Variants in CNTN5 observed in about 807,000 individuals in gnomAD.
CNTN5 encodes contactin-5.
CNTN5 carries 77 observed loss-of-function variants against 129.1 expected under a neutral mutation model. The ratio of observed to expected loss-of-function variants is 0.60; its 90% CI spans 0.50 to 0.72. The LOEUF (loss-of-function observed/expected upper bound fraction) is 0.72, where lower values mean the gene tolerates loss of function less well. CNTN5 is among the 30% of genes least tolerant of loss of function. The probability of loss-of-function intolerance (pLI) is 0.00; values close to 1 mark genes in which losing one functional copy is unlikely to be tolerated. For missense variants in CNTN5, 1,478 were observed against 1,328.8 expected (o/e 1.11, Z -1.75); for synonymous variants, 509 against 465.6 (o/e 1.09, Z -1.20).
chr11:99,710,899 GAT>G (rs1227112278), intron 3 of CNTN5, among the ~76,000 whole-genome samples: 1 of 151,838 alleles, frequency 6.6e-6, no homozygotes, highest in African/African-American at 2.4e-5. Flanking sequence ...ATAACTAAAA[GAT>G]AAGCAGGAAT....
At chr11:100,168,219 G>T (rs10894556) in intron 13 of CNTN5, among the ~76,000 whole-genome samples, 31,479 of 151,908 alleles carry the variant, frequency 0.21, 4,279 homozygotes, top group East Asian at 0.54. Flanking sequence ...AAGTTACCCA[G>T]AAGATATAAC....
Position 99,680,662 on chromosome 11 carries a change from A to G in CNTN5, c.55+124393A>G, listed in dbSNP as rs557030179. 5.3e-5 allele frequency among the ~76,000 whole-genome samples: 8 copies of G among 151,942 alleles called. No homozygotes were observed. In the East Asian group the frequency reaches 1.6e-3, roughly 30 times the overall value. Reference sequence around the variant, plus strand: ...ATGCCTATTACACAACATCCATTCCATGAATCTTGAATGTTCTTAATGGCA... The same window carrying G: ...ATGCCTATTACACAACATCCATTCCGTGAATCTTGAATGTTCTTAATGGCA... On this transcript the variant is annotated intron_variant, in intron 3 of 24. Coordinates refer to ENST00000524871, the MANE Select transcript of CNTN5 (RefSeq NM_014361.4).
At chr11:99,038,545 T>A (rs1863854308) in intron 1 of CNTN5, among the ~76,000 whole-genome samples, 1 of 152,138 alleles carries the variant, frequency 6.6e-6, no homozygotes, top group Admixed American at 6.6e-5. Context: ...CTGTAAAATT[T>A]AAAATCCATT....
At chr11:99,764,565 C>T (rs545563756) in intron 3 of CNTN5, among the ~76,000 whole-genome samples, 8 of 152,120 alleles carry the variant, frequency 5.3e-5, no homozygotes, top group East Asian at 3.9e-4. Context: ...TATAGGCATG[C>T]ACCACCATAC....
At chr11:99,398,973 T>C (rs930140201) in intron 2 of CNTN5, among the ~76,000 whole-genome samples, 16 of 151,888 alleles carry the variant, frequency 1.1e-4, no homozygotes, top group Non-Finnish European at 1.9e-4. Flanking sequence ...TTCTGTCTCA[T>C]ATACTCTTCA....
intron 9 of CNTN5, among the ~76,000 whole-genome samples, chr11:100,037,032 TC>T (rs1942057164): frequency 6.6e-6 from 1 of 152,030 alleles, no homozygotes; most frequent in African/African-American, 2.4e-5. Flanking sequence ...AGAGAGGGCA[TC>T]CCTGTCTTGT....
chr11:100,185,290 C>G (rs746596090), intron 13 of CNTN5, among the ~76,000 whole-genome samples: 2 of 152,076 alleles, frequency 1.3e-5, no homozygotes, highest in African/African-American at 2.4e-5. Context: ...TTCCCTAAGT[C>G]TAAGAATTCA....
At chr11:99,090,232 T>G (rs1337834860) in intron 1 of CNTN5, among the ~76,000 whole-genome samples, 1 of 152,014 alleles carries the variant, frequency 6.6e-6, no homozygotes, top group Non-Finnish European at 1.5e-5. Flanking sequence ...CACTTATGTT[T>G]TTTAATGCGA....
chr11:99,929,919 T>C (rs940395785), intron 7 of CNTN5, among the ~76,000 whole-genome samples: 1 of 152,166 alleles, frequency 6.6e-6, no homozygotes, highest in African/African-American at 2.4e-5. Flanking sequence ...AATGAGAGTT[T>C]ATTGAAACAA....
chr11:99,552,832 C>G (rs908690336), intron 2 of CNTN5, among the ~76,000 whole-genome samples: 6 of 152,166 alleles, frequency 3.9e-5, no homozygotes, highest in Non-Finnish European at 7.3e-5. Context: ...CTCTCCCTCT[C>G]TCTCTCTCTT....
At chr11:100,271,502 T>A (rs1309726499) in intron 18 of CNTN5, among the ~76,000 whole-genome samples, 1 of 152,248 alleles carries the variant, frequency 6.6e-6, no homozygotes, top group Non-Finnish European at 1.5e-5. Context: ...CAGGTTACCA[T>A]GAAATTAAAG....
chr11:99,324,468 A>C (rs1445479150), intron 1 of CNTN5, among the ~76,000 whole-genome samples: 2 of 152,210 alleles, frequency 1.3e-5, no homozygotes, highest in East Asian at 3.8e-4. Context: ...TCATGAAGAT[A>C]GTGTAAAATT....
rs1940676900 is a variant in CNTN5 at position 100,013,935 on chromosome 11, T to C, written c.980+11799T>C. Among the ~76,000 whole-genome samples the C allele has an allele frequency of 4.6e-5, 7 of 152,180 alleles. No homozygotes were observed. In the South Asian group the frequency reaches 1.4e-3, roughly 31 times the overall value. On this transcript the variant is annotated intron_variant, in intron 9 of 24. Coordinates refer to ENST00000524871, the MANE Select transcript of CNTN5 (RefSeq NM_014361.4). ...AGTAGTATGTGTCTTACTGAATCAC[T>C]GTACTTTGAACTAAGCATGCTCGTC...
At chr11:99,601,644 T>C (rs1437024649) in intron 3 of CNTN5, among the ~76,000 whole-genome samples, 1 of 152,240 alleles carries the variant, frequency 6.6e-6, no homozygotes, top group Non-Finnish European at 1.5e-5. Flanking sequence ...TTTCTCCTTC[T>C]TTGGTGACAC....
At chr11:99,486,327 T>C (rs1945810037) in intron 2 of CNTN5, among the ~76,000 whole-genome samples, 1 of 152,136 alleles carries the variant, frequency 6.6e-6, no homozygotes, top group Admixed American at 6.6e-5. Context: ...TATGCTTATG[T>C]CTCTACCTGG....
intron 1 of CNTN5, among the ~76,000 whole-genome samples, chr11:99,198,490 C>T (rs1748927084): frequency 6.6e-6 from 1 of 152,032 alleles, no homozygotes; most frequent in African/African-American, 2.4e-5. Context: ...TTTTAGTTAT[C>T]ATGGTTATGG....
intron 3 of CNTN5, among the ~76,000 whole-genome samples, chr11:99,697,517 C>T (rs1434691948): frequency 6.6e-6 from 1 of 151,254 alleles, no homozygotes; most frequent in Non-Finnish European, 1.5e-5. Context: ...GTGATTAGTG[C>T]TCCAAGAAGC....
chr11:99,613,250 C>A (rs12790655), intron 3 of CNTN5, among the ~76,000 whole-genome samples: 17,731 of 152,180 alleles, frequency 0.12, 1,251 homozygotes, highest in Non-Finnish European at 0.17. Flanking sequence ...GGGCGGTTTT[C>A]CCCGTGCTGT....
chr11:100,285,131 T>C (rs1488529040), intron 18 of CNTN5, among the ~76,000 whole-genome samples: 1 of 152,270 alleles, frequency 6.6e-6, no homozygotes, highest in African/African-American at 2.4e-5. Context: ...AGATATTTTA[T>C]TGTATCACCT....
Sources: allele counts gnomAD v4.1 joint callset (sites outside exome capture counted in the v4.1 genomes callset), GRCh38; gene constraint gnomAD v4.1.1; transcripts MANE v1.5; gene names NCBI Gene and HGNC (gene_info 2026-07-23, HGNC 2026-07-21).